Variants in LARP1B observed in about 807,000 individuals in gnomAD.
LARP1B encodes the protein la-related protein 1B.
Under a neutral mutation model 114.2 loss-of-function variants are expected in LARP1B, and 76 were observed. The ratio of observed to expected loss-of-function variants is 0.67; its 90% CI spans 0.55 to 0.81. The LOEUF is 0.81. Ranked by LOEUF, LARP1B falls within the 30% of genes least tolerant of loss-of-function variation. The probability of loss-of-function intolerance (pLI) is 0.00; values close to 1 mark genes in which losing one functional copy is unlikely to be tolerated. For missense variants in LARP1B, 1,014 were observed against 1,075.8 expected (o/e 0.94, Z 0.80); for synonymous variants, 345 against 348.0 (o/e 0.99, Z 0.10).
rs1272676607 is a variant in LARP1B at position 128,098,305 on chromosome 4, C to G, written c.788C>G (p.Thr263Ser). 1 of 1,613,482 alleles carries G rather than the reference C, an allele frequency of 6.2e-7. No individual in the cohort carries two copies. The highest frequency in any genetic ancestry group is 8.5e-7 in the Non-Finnish European group (1 of 1,179,712). The stretch of plus-strand genomic sequence containing the variant: ...GGTTTTCAGCGTGTTCAGGCTCTCA[C>G]TACAAACCTTAATCTCATCTTAGAG... ...IAGFQRVQAL[T>S]TNLNLILEAL... Residue 263 changes from threonine (T) to serine (S), a missense_variant, in exon 8 of 20, where the codon ACT (threonine) becomes AGT (serine). Coordinates refer to ENST00000326639, the MANE Select transcript of LARP1B (RefSeq NM_018078.4).
chr4:128,179,361 C>A, intron 14 of LARP1B, 45 bp from the exon 15 acceptor site: 1 of 1,220,624 alleles, frequency 8.2e-7, no homozygotes, highest in South Asian at 1.4e-5. Context: ...TTGTGAAGTT[C>A]ACACTATTGA....
chr4:128,222,458 C>T (rs1215174903), exon 8 of LARP1B: 7 of 432,116 alleles, frequency 1.6e-5, no homozygotes, highest in South Asian at 3.3e-5. Context: ...CTCCAGTCGC[C>T]GCCCCACCCC....
chr4:128,178,753 A>G (rs965651727), intron 14 of LARP1B, 111 bp downstream of exon 14: 1 of 854,896 alleles, frequency 1.2e-6, no homozygotes, highest in Non-Finnish European at 1.8e-6. Flanking sequence ...AACTTGTAAT[A>G]TTTCACTTAA....
At chr4:128,166,962 CTCTCTCTCTATATA>C (rs1346241618) in intron 12 of LARP1B, among the ~76,000 whole-genome samples, 23 of 102,000 alleles carry the variant, frequency 2.3e-4, no homozygotes, top group South Asian at 1.3e-3. Context: ...CTCTCTCTCT[CTCTCTCTCTATATA>C]TATATATATA....
rs1372107639 is a variant in LARP1B at position 128,107,818 on chromosome 4, T to G, written c.988+505T>G. On this transcript the variant is annotated intron_variant, in intron 9 of 19. Transcript: ENST00000326639. ...TTCCAAAAGATTTAATGTTAATAAT[T>G]TTTTCCTGGATCATTTTTAAGACAT... 2.0e-6 allele frequency: 3 copies of G among 1,531,344 alleles called. No homozygotes were observed. The East Asian group carries it at 7.3e-5, about 37-fold the overall frequency. 94.9% of individuals were successfully genotyped at this position (1,531,344 alleles called of 1,614,324 possible). A position where few individuals can be genotyped will look rare whatever the true frequency, so the allele number is the denominator to read the frequency against.
At chr4:128,216,798 G>A (rs1759520051), downstream of LARP1B, among the ~76,000 whole-genome samples, 6 of 152,204 alleles carry the variant, frequency 3.9e-5, no homozygotes, top group South Asian at 1.2e-3. Context: ...TAAGATCAGA[G>A]CAGAACTGAA....
At chr4:128,177,463 T>G (rs982662263) in intron 13 of LARP1B, among the ~76,000 whole-genome samples, 3 of 152,194 alleles carry the variant, frequency 2.0e-5, no homozygotes, top group Non-Finnish European at 4.4e-5. Flanking sequence ...CTGGCTTGTT[T>G]GTTATCTTAC....
chr4:128,086,825 A>G (rs1011420988), intron 5 of LARP1B, among the ~76,000 whole-genome samples: 1 of 151,462 alleles, frequency 6.6e-6, no homozygotes, highest in Non-Finnish European at 1.5e-5. Flanking sequence ...TTTTGAGACA[A>G]AGCCTCACTC....
chr4:128,196,663 C>T (rs973373907), intron 15 of LARP1B, among the ~76,000 whole-genome samples: 5 of 151,474 alleles, frequency 3.3e-5, no homozygotes, highest in East Asian at 1.9e-4. Context: ...GGTGCAATCT[C>T]GGCTCACTGC....
intron 11 of LARP1B, among the ~76,000 whole-genome samples, chr4:128,127,755 C>G (rs1020975705): frequency 9.9e-5 from 15 of 152,114 alleles, no homozygotes; most frequent in African/African-American, 3.4e-4. Context: ...ATTGCTTGAA[C>G]CCCGGGAGGT....
At chr4:128,080,917 C>T (rs184040119) in intron 4 of LARP1B, among the ~76,000 whole-genome samples, 151 of 152,124 alleles carry the variant, frequency 9.9e-4, no homozygotes, top group African/African-American at 3.5e-3. Flanking sequence ...TGATGTGGAA[C>T]TAAAAGTGCT....
intron 11 of LARP1B, among the ~76,000 whole-genome samples, chr4:128,144,195 C>A (rs537532315): frequency 3.1e-4 from 47 of 152,224 alleles, no homozygotes; most frequent in African/African-American, 1.1e-3. Flanking sequence ...AGAAGTCAGC[C>A]ATTATTTGTA....
At chr4:128,082,060 A>G (rs1770712380) in intron 4 of LARP1B, 105 bp from the exon 5 acceptor site, 4 of 1,031,190 alleles carry the variant, frequency 3.9e-6, no homozygotes, top group Admixed American at 2.2e-5. Flanking sequence ...CTTAAAATAC[A>G]CATTAAGTGT....
intron 1 of LARP1B, among the ~76,000 whole-genome samples, chr4:128,065,331 C>CT (rs1553982928): frequency 0.015 from 1,107 of 73,020 alleles, 20 homozygotes; most frequent in Non-Finnish European, 0.02. Context: ...CTCTCTCTCT[C>CT]TTTCCTTTCT....
intron 12 of LARP1B, among the ~76,000 whole-genome samples, chr4:128,174,138 AT>A (rs1020488370): frequency 3.3e-5 from 5 of 152,008 alleles, no homozygotes; most frequent in Non-Finnish European, 7.4e-5. Flanking sequence ...AGCATACTAC[AT>A]TTTTTTGTCC....
intron 11 of LARP1B, among the ~76,000 whole-genome samples, chr4:128,141,400 G>A (rs758919532): frequency 2.1e-4 from 32 of 152,136 alleles, no homozygotes; most frequent in Non-Finnish European, 4.0e-4. Flanking sequence ...ACGTTACAAC[G>A]AGTTGCTCAG....
intron 15 of LARP1B, among the ~76,000 whole-genome samples, chr4:128,180,075 A>G (rs2150677897): frequency 6.6e-6 from 1 of 152,238 alleles, no homozygotes; most frequent in South Asian, 2.1e-4. Flanking sequence ...TGTCCTTCAG[A>G]GGGGTTGCAG....
chr4:128,062,385 A>G (rs1160572724), intron 1 of LARP1B, among the ~76,000 whole-genome samples: 1 of 152,070 alleles, frequency 6.6e-6, no homozygotes, highest in East Asian at 1.9e-4. Context: ...CACTCTGCCT[A>G]TTTACAGACA....
At chr4:128,144,856 A>G (rs189690318) in intron 11 of LARP1B, among the ~76,000 whole-genome samples, 206 of 152,142 alleles carry the variant, frequency 1.4e-3, no homozygotes, top group Non-Finnish European at 2.5e-3. Flanking sequence ...CTGTTTCTTC[A>G]TATATATTTA....
Sources: allele counts gnomAD v4.1 joint callset (sites outside exome capture counted in the v4.1 genomes callset), GRCh38; gene constraint gnomAD v4.1.1; transcripts MANE v1.5; gene names NCBI Gene and HGNC (gene_info 2026-07-23, HGNC 2026-07-21).